DNAJC15: variants seen among roughly 807,000 people sequenced by gnomAD.
DNAJC15 encodes the protein DnaJ heat shock protein family (Hsp40) member C15.
A neutral mutation model predicts 22.4 loss-of-function variants in DNAJC15; 27 were observed. The observed-to-expected ratio is 1.20, with a 90% CI of 0.89 to 1.66. The LOEUF (loss-of-function observed/expected upper bound fraction) is 1.66. Among genes scored for constraint, DNAJC15 ranks in the 40% most tolerant of loss-of-function variants. The pLI is 0.00. For synonymous variants in DNAJC15, 79 were observed against 63.2 expected, an observed-to-expected ratio of 1.25 and a Z score of -1.19; for missense variants, 208 against 187.1, an observed-to-expected ratio of 1.11 and a Z score of -0.65.
At position 43,111,992 on chromosome 13, in the gene DNAJC15, C is replaced by T. The variant is rs961385184; in HGVS notation, c.*4744C>T. 2 of 152,188 alleles carry T rather than the reference C, an allele frequency of 1.3e-5. No individual in the cohort carries two copies. The highest frequency in any genetic ancestry group is 2.4e-5 in the African/African-American group (1 of 41,440). The allele number at this position is 152,188 out of a possible 1,614,324, so 9.4% of individuals were successfully genotyped here. On this transcript the variant is annotated 3_prime_UTR_variant, in exon 6 of 6. Coordinates refer to ENST00000379221, the MANE Select transcript of DNAJC15 (RefSeq NM_013238.3). ...ATTAGCTGGAAAAGTTGAGAAGGTT[C>T]TCTGGACTCATTTTTATAGGTGGAA...
chr13:43,100,321 C>T (rs966510407), intron 5 of DNAJC15, among the ~76,000 whole-genome samples: 2 of 151,344 alleles, frequency 1.3e-5, no homozygotes, highest in Non-Finnish European at 2.9e-5. Context: ...GATCCTTCCA[C>T]CTTAGCCTCC....
intron 1 of DNAJC15, among the ~76,000 whole-genome samples, chr13:43,053,428 T>G (rs1376374522): frequency 6.6e-6 from 1 of 152,210 alleles, no homozygotes; most frequent in Non-Finnish European, 1.5e-5. Flanking sequence ...TTGTTTTTTC[T>G]AGCTCTGTAA....
intron 3 of DNAJC15, among the ~76,000 whole-genome samples, chr13:43,074,015 A>G (rs879692221): frequency 6.6e-6 from 1 of 151,886 alleles, no homozygotes; most frequent in Non-Finnish European, 1.5e-5. Context: ...TTTTATTTGA[A>G]TATAATTTTT....
At chr13:43,027,550 C>T (rs568737756) in intron 1 of DNAJC15, among the ~76,000 whole-genome samples, 1 of 152,242 alleles carries the variant, frequency 6.6e-6, no homozygotes, top group Admixed American at 6.5e-5. Flanking sequence ...AAAAATAAGA[C>T]AGTACTTTTA....
At chr13:43,082,086 G>A (rs1361614637) in intron 4 of DNAJC15, among the ~76,000 whole-genome samples, 1 of 151,968 alleles carries the variant, frequency 6.6e-6, no homozygotes, top group Non-Finnish European at 1.5e-5. Flanking sequence ...CCCCTCCCAT[G>A]ACATGAGGGG....
chr13:43,039,249 C>G (rs545004211), intron 1 of DNAJC15, among the ~76,000 whole-genome samples: 2 of 152,256 alleles, frequency 1.3e-5, no homozygotes, highest in South Asian at 4.1e-4. Context: ...CTAATGTTCT[C>G]TGTCATTTTT....
chr13:43,103,868 C>G (rs1394724172), intron 5 of DNAJC15, among the ~76,000 whole-genome samples: 1 of 152,040 alleles, frequency 6.6e-6, no homozygotes. Context: ...GTAGACTGAC[C>G]CTTGTAACAC....
intron 1 of DNAJC15, among the ~76,000 whole-genome samples, chr13:43,029,660 G>A (rs969209848): frequency 1.3e-5 from 2 of 151,746 alleles, no homozygotes; most frequent in African/African-American, 4.8e-5. Context: ...TGTTGCTGTT[G>A]TTATTTTGGT....
intron 1 of DNAJC15, among the ~76,000 whole-genome samples, chr13:43,026,355 T>C (rs1267146459): frequency 1.3e-5 from 2 of 152,208 alleles, no homozygotes; most frequent in Non-Finnish European, 2.9e-5. Context: ...CAGGCTTGTC[T>C]CATATATTTT....
rs1593316666 is a variant in DNAJC15, at chr13:43,057,154, T to C, written c.109-8532T>C. Among the ~76,000 whole-genome samples the C allele has an allele frequency of 4.6e-5, 7 of 152,332 alleles. 1 individual carries two copies. The South Asian group carries it at 1.5e-3, about 32-fold the overall frequency. ...TCTTATATTTGGATGTCTAGGTCTC[T>C]AGCAAGGCCAGGGAGGTTTTCCTCA... On this transcript the variant is annotated intron_variant, in intron 1 of 5. Transcript: ENST00000379221.
intron 1 of DNAJC15, among the ~76,000 whole-genome samples, chr13:43,025,051 C>T (rs1038471525): frequency 2.0e-5 from 3 of 151,814 alleles, no homozygotes; most frequent in African/African-American, 4.8e-5. Flanking sequence ...CAGAGCTAGA[C>T]CCTGTCTCCA....
At position 43,111,003 on chromosome 13, in the gene DNAJC15, G is replaced by A. The variant is rs1261616888; in HGVS notation, c.*3755G>A. The A allele has an allele frequency of 2.6e-5, 4 of 152,128 alleles. No individual in the cohort carries two copies. The East Asian group carries it at 7.7e-4, about 29-fold the overall frequency. The allele number at this position is 152,128 out of a possible 1,614,324, so 9.4% of individuals were successfully genotyped here. ...ACTTACATCTTAGATGCAATCTGAG[G>A]GCCTAGGAAGGCCTTTTAAAAATAA... On this transcript the variant is annotated 3_prime_UTR_variant, in exon 6 of 6. Coordinates refer to ENST00000379221, the MANE Select transcript of DNAJC15 (RefSeq NM_013238.3).
chr13:43,069,729 C>G (rs998421863), intron 3 of DNAJC15, among the ~76,000 whole-genome samples: 1 of 152,136 alleles, frequency 6.6e-6, no homozygotes, highest in East Asian at 1.9e-4. Flanking sequence ...TTGAGATTGT[C>G]AAATTGCTGC....
chr13:43,097,118 C>T lies in DNAJC15; in HGVS notation c.383-10060C>T, dbSNP rs768823441. 1.3e-4 allele frequency among the ~76,000 whole-genome samples: 20 copies of T among 152,260 alleles called. No individual in the cohort carries two copies. In the Middle Eastern group the frequency reaches 0.01, roughly 78 times the overall value. The stretch of plus-strand genomic sequence containing the variant: ...CCCATGATGTCATGGATCATAAGTG[C>T]TTTGAAGAAAAAGCAGAGCATGAGG... On this transcript the variant is annotated intron_variant, in intron 5 of 5. Transcript: ENST00000379221.
At chr13:43,067,944 C>G (rs1026623100) in intron 2 of DNAJC15, among the ~76,000 whole-genome samples, 6 of 152,136 alleles carry the variant, frequency 3.9e-5, no homozygotes, top group South Asian at 4.1e-4. Context: ...TCCTTTATCT[C>G]AAGACCTTTT....
chr13:43,073,799 AAAGCAAAAG>A (rs2040619806), intron 3 of DNAJC15, among the ~76,000 whole-genome samples: 3 of 151,902 alleles, frequency 2.0e-5, no homozygotes, highest in African/African-American at 7.2e-5. Context: ...GGCACTTCGG[AAAGCAAAAG>A]ATCTTTATGA....
chr13:43,029,397 T>C (rs532829098), intron 1 of DNAJC15, among the ~76,000 whole-genome samples: 17 of 152,354 alleles, frequency 1.1e-4, no homozygotes, highest in African/African-American at 3.6e-4. Context: ...TGGACTGAAA[T>C]GTTCAGTCTC....
rs1214084361 is a variant in DNAJC15 at position 43,109,367 on chromosome 13, G to A, written c.*2119G>A. 6.6e-6 allele frequency: 1 copy of A among 152,158 alleles called. No homozygotes were observed. Among genetic ancestry groups the A allele is most frequent in the African/African-American group, 2.4e-5 (1 of 41,444 alleles). 9.4% of individuals were successfully genotyped at this position (152,158 alleles called of 1,614,324 possible). On this transcript the variant is annotated 3_prime_UTR_variant, in exon 6 of 6. Transcript: ENST00000379221. ...ACTTGCATTTAGCAGGCATCATAAA[G>A]TTTTACGTACCAAGAAAATGTTGCT... is the stretch of plus-strand genomic sequence containing the variant.
chr13:43,100,181 G>T, intron 5 of DNAJC15, among the ~76,000 whole-genome samples: 1 of 148,286 alleles, frequency 6.7e-6, no homozygotes, highest in African/African-American at 2.5e-5. Flanking sequence ...CATTGTCTTA[G>T]GTTGAAGGTT....
Sources: allele counts gnomAD v4.1 joint callset (sites outside exome capture counted in the v4.1 genomes callset), GRCh38; gene constraint gnomAD v4.1.1; transcripts MANE v1.5; gene names NCBI Gene and HGNC (gene_info 2026-07-23, HGNC 2026-07-21).